The following DIP2B variants were observed in gnomAD, a reference collection of about 807,000 sequenced individuals.
DIP2B encodes DIP2 acetate--CoA ligase B (putative).
In DIP2B, 76 loss-of-function variants were observed where a neutral mutation model predicts 198.0. That is an observed-to-expected ratio of 0.38 (90% CI 0.32 to 0.46). The LOEUF is 0.46. Among genes scored for constraint, DIP2B ranks in the 20% least tolerant of loss-of-function variants. The probability of loss-of-function intolerance (pLI) is 0.99; values close to 1 mark genes in which losing one functional copy is unlikely to be tolerated. For synonymous variants in DIP2B, 701 were observed against 739.1 expected (o/e 0.95, Z 0.84); for missense variants, 1,559 against 1,978.4 (o/e 0.79, Z 4.02).
chr12:50,681,719 A>T (rs1939044975), intron 9 of DIP2B, among the ~76,000 whole-genome samples: 1 of 152,216 alleles, frequency 6.6e-6, no homozygotes, highest in South Asian at 2.1e-4. Context: ...GCTTATGATT[A>T]TGGAATCTCT....
At chr12:50,741,245 T>A (rs1241516970) in intron 36 of DIP2B, among the ~76,000 whole-genome samples, 171 bp from the exon 37 acceptor site, 2 of 152,174 alleles carry the variant, frequency 1.3e-5, no homozygotes, top group Non-Finnish European at 2.9e-5. Context: ...ATTATTCCCA[T>A]CTCACAGAGG....
At chr12:50,744,214 C>G (rs1053301163) in intron 37 of DIP2B, among the ~76,000 whole-genome samples, 1 of 152,144 alleles carries the variant, frequency 6.6e-6, no homozygotes, top group Non-Finnish European at 1.5e-5. Context: ...GTTGGCCAGG[C>G]TGGTCTCGAA....
rs148255399 is a variant in DIP2B, at chr12:50,598,303, A to G, written c.101-27673A>G. ...CAAGATGTGGCCTTCTTGAATATAT[A>G]TATTTAAAAAAAGTTAAGTAGTTTT... On this transcript the variant is annotated intron_variant, in intron 1 of 37. Coordinates refer to ENST00000301180, the MANE Select transcript of DIP2B (RefSeq NM_173602.3). Among the ~76,000 whole-genome samples the G allele has an allele frequency of 6.6e-5, 10 of 152,246 alleles. No homozygotes were observed. In the East Asian group the frequency reaches 1.9e-3, roughly 29 times the overall value.
chr12:50,739,714 T>G, intron 36 of DIP2B, 128 bp downstream of exon 36: 1 of 1,130,080 alleles, frequency 8.8e-7, no homozygotes, highest in South Asian at 1.5e-5. Context: ...CTTAAACCCA[T>G]AAGTGACTCT....
Position 50,741,491 on chromosome 12 carries a change from T to A in DIP2B, c.4430T>A (p.Ile1477Asn), listed in dbSNP as rs997487733. The stretch of plus-strand genomic sequence containing the variant: ...CTGAGAGGATTACGATACCACCCAA[T>A]TGATATTGAGACCTCGGTGTCCCGG... ...LELRGLRYHP[I>N]DIETSVSRIH... is the part of the protein sequence containing the mutation. The change falls in exon 37 of 38, where the codon ATT becomes AAT. Residue 1477 changes from isoleucine to asparagine, a missense_variant. Coordinates refer to ENST00000301180, the MANE Select transcript of DIP2B (RefSeq NM_173602.3). 4.3e-6 allele frequency: 7 copies of A among 1,614,056 alleles called. No homozygotes were observed. In the African/African-American group the frequency reaches 9.3e-5, roughly 22 times the overall value.
intron 1 of DIP2B, among the ~76,000 whole-genome samples, chr12:50,513,505 C>G (rs149949235): frequency 2.0e-5 from 3 of 152,196 alleles, no homozygotes; most frequent in Non-Finnish European, 4.4e-5. Context: ...CCTTCAGAAA[C>G]GATGGTTTTT....
chr12:50,677,000 A>G lies in DIP2B; in HGVS notation c.916+1552A>G, dbSNP rs370394103. ...TGTTACGTTAGTAGAAAAATGAATCAAGGCATTTTAAGTACAATCCCCAGA... is the reference window on the plus strand; with the variant it reads ...TGTTACGTTAGTAGAAAAATGAATCGAGGCATTTTAAGTACAATCCCCAGA... On this transcript the variant is annotated intron_variant, in intron 7 of 37. Transcript: ENST00000301180. Among the ~76,000 whole-genome samples, 12 of 152,340 alleles carry G rather than the reference A, an allele frequency of 7.9e-5. No homozygotes were observed. The South Asian group carries it at 2.1e-3, about 26-fold the overall frequency.
intron 1 of DIP2B, among the ~76,000 whole-genome samples, chr12:50,512,107 CT>C (rs35584870): frequency 1.4e-4 from 17 of 122,228 alleles, no homozygotes; most frequent in Admixed American, 2.7e-4. Context: ...AATGTAAGCT[CT>C]TTTTTTTTTT....
intron 2 of DIP2B, among the ~76,000 whole-genome samples, chr12:50,638,677 A>ACCAT (rs1167637540): frequency 6.6e-6 from 1 of 152,020 alleles, no homozygotes; most frequent in Admixed American, 6.6e-5. Context: ...GGAGTGTGAA[A>ACCAT]CCATGGTCAG....
At chr12:50,521,819 T>C (rs1958122718) in intron 1 of DIP2B, among the ~76,000 whole-genome samples, 1 of 151,806 alleles carries the variant, frequency 6.6e-6, no homozygotes, top group Admixed American at 6.6e-5. Flanking sequence ...TTAATTTTTG[T>C]ATTTTTTGTA....
At chr12:50,563,128 GCTGGTTATCTATTTCCAA>G (rs1401688964) in intron 1 of DIP2B, among the ~76,000 whole-genome samples, 1 of 152,162 alleles carries the variant, frequency 6.6e-6, no homozygotes, top group Non-Finnish European at 1.5e-5. Context: ...TTTGGGAGCT[GCTGGTTATCTATTTCCAA>G]CATATGCTTA....
chr12:50,744,294 G>A (rs961843096), intron 37 of DIP2B, among the ~76,000 whole-genome samples: 1 of 152,198 alleles, frequency 6.6e-6, no homozygotes, highest in Non-Finnish European at 1.5e-5. Flanking sequence ...GAGCCACCGC[G>A]CCTGGCCTGA....
chr12:50,663,872 TAAA>T (rs397934701), intron 4 of DIP2B, among the ~76,000 whole-genome samples: 5 of 104,840 alleles, frequency 4.8e-5, no homozygotes, highest in Admixed American at 1.1e-4. Context: ...CCCATCTCTT[TAAA>T]AAAAAAAAAA....
chr12:50,543,072 C>T (rs1303018733), intron 1 of DIP2B, among the ~76,000 whole-genome samples: 4 of 151,648 alleles, frequency 2.6e-5, no homozygotes, highest in South Asian at 2.1e-4. Context: ...TGGGGCTTCA[C>T]CAAGTTGCCC....
intron 5 of DIP2B, among the ~76,000 whole-genome samples, chr12:50,673,691 TG>T (rs1251895228): frequency 2.0e-5 from 3 of 152,080 alleles, no homozygotes; most frequent in Non-Finnish European, 2.9e-5. Context: ...GAGGCTGAGG[TG>T]GGAGGCTTAC....
Position 50,718,802 on chromosome 12 carries a change from AT to A in DIP2B, c.2946del (p.Asn982LysfsTer4). 6.2e-7 allele frequency: 1 copy of A among 1,614,160 alleles called. No individual in the cohort carries two copies. Among genetic ancestry groups the A allele is most frequent in the Non-Finnish European group, 8.5e-7 (1 of 1,179,998 alleles). ...AGRDLGQIEENDLVRKHQFLA... is the reference protein window; with the variant it reads ...AGRDLGQIEEXDLVRKHQFLA... ...AGGGATCTGGGACAAATAGAAGAGA[AT>A]GATTTGGTGAGGAAGGTAAGTGTTC... is the stretch of plus-strand genomic sequence containing the variant. On this transcript the variant is annotated frameshift_variant, in exon 24 of 38. Transcript: ENST00000301180. LOFTEE classifies it high-confidence loss of function.
intron 1 of DIP2B, among the ~76,000 whole-genome samples, chr12:50,622,852 T>G (rs976984284): frequency 1.3e-5 from 2 of 152,086 alleles, no homozygotes; most frequent in Non-Finnish European, 1.5e-5. Flanking sequence ...CCTTAGGTGA[T>G]CTGCGTGCCT....
At chr12:50,714,146 T>C (rs1939669039) in intron 22 of DIP2B, among the ~76,000 whole-genome samples, 1 of 152,188 alleles carries the variant, frequency 6.6e-6, no homozygotes, top group Non-Finnish European at 1.5e-5. Context: ...CAAGTCAATA[T>C]CCACCTTTGT....
At chr12:50,657,868 G>T (rs1490542014) in intron 3 of DIP2B, among the ~76,000 whole-genome samples, 1 of 152,034 alleles carries the variant, frequency 6.6e-6, no homozygotes, top group Non-Finnish European at 1.5e-5. Context: ...GTAGATCCCA[G>T]ATCAGGAAAA....
Sources: allele counts gnomAD v4.1 joint callset (sites outside exome capture counted in the v4.1 genomes callset), GRCh38; gene constraint gnomAD v4.1.1; transcripts MANE v1.5; gene names NCBI Gene and HGNC (gene_info 2026-07-23, HGNC 2026-07-21).